Variants in TLN2 observed in about 807,000 individuals in gnomAD.
TLN2 encodes talin-2.
Under a neutral mutation model 294.7 loss-of-function variants are expected in TLN2, and 118 were observed. The observed-to-expected ratio is 0.40, with a 90% CI of 0.34 to 0.47. The LOEUF (loss-of-function observed/expected upper bound fraction) is 0.47. Among genes scored for constraint, TLN2 ranks in the 20% least tolerant of loss-of-function variants. TLN2 has a pLI of 0.84. For missense variants in TLN2, 3,083 were observed against 3,282.2 expected (o/e 0.94, Z 1.48); for synonymous variants, 1,431 against 1,304.5 (o/e 1.10, Z -2.09).
chr15:62,739,543 CAGGTGGGTGTGG>C lies in TLN2; in HGVS notation c.3885+5_3885+16del, dbSNP rs2061203674. ...TGGCATTGAGATGGCTGGCCAAGCT[CAGGTGGGTGTGG>C]AGGTGGTTGTCTGGAGTTGACCTTA... On this transcript the variant is annotated splice_donor_variant and splice_donor_5th_base_variant and coding_sequence_variant and intron_variant, in exon 31 of 59. Coordinates refer to ENST00000636159, the MANE Select transcript of TLN2 (RefSeq NM_015059.3). LOFTEE classifies it high-confidence loss of function. The C allele has an allele frequency of 6.2e-7, 1 of 1,614,108 alleles. No individual in the cohort carries two copies. Among genetic ancestry groups the C allele is most frequent in the African/African-American group, 1.3e-5 (1 of 75,036 alleles).
At chr15:62,802,990 A>G (rs915768930) in intron 50 of TLN2, among the ~76,000 whole-genome samples, 1 of 152,202 alleles carries the variant, frequency 6.6e-6, no homozygotes, top group Non-Finnish European at 1.5e-5. Flanking sequence ...TCAGATATGT[A>G]GTTTGCAACT....
chr15:62,459,744 C>T (rs752366099), intron 1 of TLN2, among the ~76,000 whole-genome samples: 56 of 152,210 alleles, frequency 3.7e-4, no homozygotes, highest in Non-Finnish European at 2.2e-4. Flanking sequence ...TTCTTTCCTC[C>T]TGCTGAATGT....
chr15:62,833,648 C>A lies in TLN2; in HGVS notation c.7128+19C>A. Reference sequence around the variant, plus strand: ...AGGAAAGGTGGGTAAAGCCGCTGACCACATGCGGGACACTCAACGTACGAG... The same window carrying A: ...AGGAAAGGTGGGTAAAGCCGCTGACAACATGCGGGACACTCAACGTACGAG... On this transcript the variant is annotated intron_variant, in intron 55 of 58. Coordinates refer to ENST00000636159, the MANE Select transcript of TLN2 (RefSeq NM_015059.3). The A allele has an allele frequency of 6.2e-7, 1 of 1,612,440 alleles. No individual in the cohort carries two copies. Among genetic ancestry groups the A allele is most frequent in the South Asian group, 1.1e-5 (1 of 90,908 alleles).
chr15:62,564,694 G>A, intron 1 of TLN2, among the ~76,000 whole-genome samples: 1 of 151,894 alleles, frequency 6.6e-6, no homozygotes, highest in East Asian at 1.9e-4. Flanking sequence ...ATCACTTGAG[G>A]CCAGGAGTTC....
intron 44 of TLN2, among the ~76,000 whole-genome samples, chr15:62,781,654 T>C (rs2064179381): frequency 6.6e-6 from 1 of 151,898 alleles, no homozygotes; most frequent in African/African-American, 2.4e-5. Context: ...GGGGATAAAA[T>C]AGAGATGAGA....
chr15:62,515,345 T>C (rs2040134815), intron 1 of TLN2, among the ~76,000 whole-genome samples: 1 of 152,232 alleles, frequency 6.6e-6, no homozygotes, highest in Non-Finnish European at 1.5e-5. Flanking sequence ...TGTGTGAATA[T>C]ACTATAATTT....
intron 7 of TLN2, among the ~76,000 whole-genome samples, chr15:62,655,237 C>T (rs767757945): frequency 4.6e-5 from 7 of 152,018 alleles, no homozygotes; most frequent in South Asian, 2.1e-4. Context: ...AATCTAGAGA[C>T]GCTGGTGATA....
chr15:62,689,068 C>CTCTTT (rs1370271461), intron 12 of TLN2, among the ~76,000 whole-genome samples: 24 of 116,642 alleles, frequency 2.1e-4, no homozygotes, highest in Non-Finnish European at 1.1e-4. Context: ...TTCTCTCTCT[C>CTCTTT]TTTTTTTTTT....
At chr15:62,718,759 C>T (rs900323919) in intron 24 of TLN2, among the ~76,000 whole-genome samples, 2 of 152,178 alleles carry the variant, frequency 1.3e-5, no homozygotes, top group African/African-American at 2.4e-5. Flanking sequence ...AAACTTTCTT[C>T]TCAGGAAGCA....
chr15:62,722,354 C>G lies in TLN2; in HGVS notation c.2993C>G (p.Pro998Arg). Residue 998 changes from proline to arginine, a missense_variant and splice_region_variant, in exon 26 of 59, where the codon CCT (proline) becomes CGT (arginine). Physicochemically the swap from Pro to Arg is moderately radical, Grantham distance 103. Coordinates refer to ENST00000636159, the MANE Select transcript of TLN2 (RefSeq NM_015059.3). ...TACTTTCTTTTCATCTCTCTATAGC[C>G]TGGAAGCAAGATGGTGTCCTCTGCC... Reference protein sequence around the residue: ...LIISSQNFLQPGSKMVSSAKA... With the variant: ...LIISSQNFLQRGSKMVSSAKA... 1 of 1,607,050 alleles carries G rather than the reference C, an allele frequency of 6.2e-7. No homozygotes were observed. The highest frequency in any genetic ancestry group is 8.5e-7 in the Non-Finnish European group (1 of 1,174,844).
intron 31 of TLN2, among the ~76,000 whole-genome samples, chr15:62,740,030 G>A (rs1198483619): frequency 6.6e-6 from 1 of 150,420 alleles, no homozygotes; most frequent in Non-Finnish European, 1.5e-5. Flanking sequence ...GTGTCAGCTT[G>A]CAGAGCTGTG....
intron 1 of TLN2, among the ~76,000 whole-genome samples, chr15:62,441,343 T>C (rs1261026032): frequency 6.6e-6 from 1 of 152,242 alleles, no homozygotes; most frequent in Non-Finnish European, 1.5e-5. Flanking sequence ...GTGATGTCTG[T>C]GCTTCAGCCT....
intron 1 of TLN2, among the ~76,000 whole-genome samples, chr15:62,475,172 G>C (rs1367840220): frequency 6.6e-6 from 1 of 152,116 alleles, no homozygotes; most frequent in East Asian, 1.9e-4. Context: ...CACCAACTTA[G>C]TAATTATTTC....
At chr15:62,512,366 T>C (rs1409538293) in intron 1 of TLN2, among the ~76,000 whole-genome samples, 2 of 152,180 alleles carry the variant, frequency 1.3e-5, no homozygotes, top group African/African-American at 4.8e-5. Context: ...TGGAAAATTA[T>C]TTCCCTTCCT....
intron 8 of TLN2, among the ~76,000 whole-genome samples, chr15:62,656,363 G>C (rs1454807938): frequency 6.6e-6 from 1 of 152,184 alleles, no homozygotes; most frequent in Non-Finnish European, 1.5e-5. Flanking sequence ...TTGAGGGACA[G>C]TTGTATTTCA....
At chr15:62,702,968 A>G in intron 19 of TLN2, 104 bp downstream of exon 19, 2 of 1,063,002 alleles carry the variant, frequency 1.9e-6, no homozygotes, top group Non-Finnish European at 2.8e-6. Context: ...TCTTTGAGAT[A>G]GTCAAGAATG....
At chr15:62,555,632 A>G (rs945685448) in intron 1 of TLN2, among the ~76,000 whole-genome samples, 1 of 152,170 alleles carries the variant, frequency 6.6e-6, no homozygotes, top group Non-Finnish European at 1.5e-5. Context: ...AAAAATATTT[A>G]TCTGTCTAGT....
Position 62,761,671 on chromosome 15 carries a change from C to T in TLN2, c.4639-10C>T. The stretch of plus-strand genomic sequence containing the variant: ...CAATTGGGCAGAATCTCCCTGTTTT[C>T]TCCCATCAGGCCCTGGATGGGGATT... On this transcript the variant is annotated splice_polypyrimidine_tract_variant and intron_variant, in intron 37 of 58. Transcript: ENST00000636159. The T allele has an allele frequency of 1.2e-6, 2 of 1,614,138 alleles. No homozygotes were observed. Among genetic ancestry groups the T allele is most frequent in the South Asian group, 1.1e-5 (1 of 91,070 alleles).
chr15:62,690,734 A>C (rs2057799077), intron 12 of TLN2, among the ~76,000 whole-genome samples: 1 of 150,234 alleles, frequency 6.7e-6, no homozygotes, highest in African/African-American at 2.5e-5. Context: ...TTGAGCACTG[A>C]GTGAACCAGA....
Sources: gnomAD v4.1 joint callset for allele counts (sites outside exome capture counted in the v4.1 genomes callset) on GRCh38, gnomAD v4.1.1 for gene constraint, MANE v1.5 for transcripts, NCBI Gene and HGNC (gene_info 2026-07-23, HGNC 2026-07-21) for gene names.